GATA3: variants seen among roughly 807,000 people sequenced by gnomAD.
GATA3 encodes GATA binding protein 3, also known as trans-acting T-cell-specific transcription factor GATA-3.
GATA3 carries 6 observed loss-of-function variants against 36.0 expected under a neutral mutation model. The observed-to-expected ratio is 0.17, with a 90% CI of 0.09 to 0.33. GATA3 has a LOEUF of 0.33. GATA3 is among the 10% of genes least tolerant of loss of function. The pLI is 1.00. For missense variants in GATA3, 514 were observed against 610.1 expected (o/e 0.84, Z 1.66); for synonymous variants, 326 against 273.0 (o/e 1.19, Z -1.92).
chr10:8,054,899 C>A lies in GATA3; in HGVS notation c.-370+8C>A, dbSNP rs1252174165. 1 of 148,062 alleles carries A rather than the reference C, an allele frequency of 6.8e-6. No individual in the cohort carries two copies. The highest frequency in any genetic ancestry group is 1.8e-4 in the East Asian group (1 of 5,436). 9.2% of individuals were successfully genotyped at this position (148,062 alleles called of 1,614,324 possible). A position where few individuals can be genotyped will look rare whatever the true frequency, so the allele number is the denominator to read the frequency against. ...CTGCTCTTCGCTACCCAGGTTGGTA[C>A]TGGTGACTTTTTTTTTTTTTAAGTT... is the stretch of plus-strand genomic sequence containing the variant. On this transcript the variant is annotated splice_region_variant and intron_variant, in intron 1 of 5. Transcript: ENST00000379328. This position sits in a 1 kb window ranked among gnomAD's most constrained non-coding sequence, Gnocchi z 4.2.
intron 5 of GATA3, among the ~76,000 whole-genome samples, chr10:8,073,327 C>T (rs1457456986): frequency 1.3e-5 from 2 of 152,168 alleles, no homozygotes; most frequent in South Asian, 2.1e-4. Context: ...TCAAGGCAGA[C>T]AGCCTTAACC....
At chr10:8,061,939 TG>T (rs1232304550) in intron 3 of GATA3, among the ~76,000 whole-genome samples, 1 of 152,194 alleles carries the variant, frequency 6.6e-6, no homozygotes, top group Admixed American at 6.5e-5. Context: ...GTCCCCTGTC[TG>T]GGCAGGGTGG....
At position 8,055,630 on chromosome 10, in the gene GATA3, G is replaced by C. The variant is rs965874212; in HGVS notation, c.-26G>C. 3.6e-5 allele frequency: 55 copies of C among 1,545,466 alleles called. No homozygotes were observed. The African/African-American group carries it at 6.2e-4, about 17-fold the overall frequency. ...CCCGCGCGCGGGTTCCGGGCCCGGC[G>C]AGAGGGCGCGAGCACAGCCGAGGCC... On this transcript the variant is annotated 5_prime_UTR_variant, in exon 2 of 6. Coordinates refer to ENST00000379328, the MANE Select transcript of GATA3 (RefSeq NM_001002295.2). The surrounding 1 kb of genome is among the most constrained non-coding windows in gnomAD (Gnocchi z 5.4).
At chr10:8,065,928 G>T (rs1055022298) in intron 4 of GATA3, among the ~76,000 whole-genome samples, 2 of 43,640 alleles carry the variant, frequency 4.6e-5, no homozygotes, top group East Asian at 7.3e-4. Context: ...CACCACAAAA[G>T]AATGTTTTGA....
upstream of GATA3, chr10:8,053,612 T>G (rs1350523707): frequency 6.6e-6 from 1 of 150,680 alleles, no homozygotes; most frequent in East Asian, 2.0e-4. The surrounding 1 kb of genome is among the most constrained non-coding windows in gnomAD (Gnocchi z 5.1). Context: ...CTGGGGCGCC[T>G]CGGAGCCGCG....
Position 8,058,528 on chromosome 10 carries a change from C to T in GATA3, c.465C>T (p.Pro155=), listed in dbSNP as rs769567541. The T allele has an allele frequency of 1.2e-6, 2 of 1,612,040 alleles. No homozygotes were observed. The highest frequency in any genetic ancestry group is 1.7e-6 in the Non-Finnish European group (2 of 1,179,780). ...HASPHLFTFP[P]TPPKDVSPDP... is the part of the protein sequence containing the mutation. ...GCCCGCACCTCTTCACCTTCCCGCC[C>T]ACCCCGCCGAAGGACGTCTCCCCGG... Residue 155 remains proline (P), a synonymous_variant, in exon 3 of 6, where the codon CCC becomes CCT. Coordinates refer to ENST00000379328, the MANE Select transcript of GATA3 (RefSeq NM_001002295.2).
chr10:8,070,023 G>C (rs1588389081), intron 5 of GATA3, among the ~76,000 whole-genome samples: 1 of 152,214 alleles, frequency 6.6e-6, no homozygotes, highest in African/African-American at 2.4e-5. Flanking sequence ...GTGGCAGGGG[G>C]TCTGGAAACT....
chr10:8,050,635 C>A (rs1048062336), upstream of GATA3: 1 of 209,212 alleles, frequency 4.8e-6, no homozygotes, highest in Non-Finnish European at 9.7e-6. Flanking sequence ...TCTGTCTGCG[C>A]GGCCGGGACC....
At chr10:8,046,793 C>A (rs945054630) in intron 1 of GATA3, among the ~76,000 whole-genome samples, 2 of 151,824 alleles carry the variant, frequency 1.3e-5, no homozygotes, top group African/African-American at 4.8e-5. Flanking sequence ...GACCAAGACC[C>A]CATTGGGTGT....
At chr10:8,056,766 C>A (rs1343568468) in intron 2 of GATA3, among the ~76,000 whole-genome samples, 1 of 152,086 alleles carries the variant, frequency 6.6e-6, no homozygotes, top group East Asian at 1.9e-4. Context: ...TCCCTTTCAC[C>A]TGGAGAAGTT....
At chr10:8,065,551 C>A (rs563222600) in intron 4 of GATA3, among the ~76,000 whole-genome samples, 1 of 151,994 alleles carries the variant, frequency 6.6e-6, no homozygotes, top group Admixed American at 6.5e-5. Flanking sequence ...GCCACCGCTC[C>A]CAGCCAAAGA....
intron 3 of GATA3, among the ~76,000 whole-genome samples, chr10:8,061,630 A>G (rs1290587190): frequency 1.3e-5 from 2 of 152,274 alleles, no homozygotes; most frequent in African/African-American, 2.4e-5. Flanking sequence ...AGAAAAGCCC[A>G]TAGGAGGCAA....
At chr10:8,045,795 G>A (rs376625512) in intron 1 of GATA3, among the ~76,000 whole-genome samples, 2 of 152,130 alleles carry the variant, frequency 1.3e-5, no homozygotes, top group South Asian at 4.1e-4. Context: ...AAGAATGAGA[G>A]CCCGTGGGAA....
At chr10:8,058,266 C>T (rs749502453) in intron 2 of GATA3, 39 bp from the exon 3 acceptor site, 11 of 1,609,860 alleles carry the variant, frequency 6.8e-6, no homozygotes, top group South Asian at 1.1e-5. Flanking sequence ...CCACACTCAC[C>T]CTCCTTCTCT....
intron 3 of GATA3, among the ~76,000 whole-genome samples, chr10:8,061,164 G>A (rs1388289060): frequency 6.6e-6 from 1 of 152,006 alleles, no homozygotes; most frequent in Non-Finnish European, 1.5e-5. Flanking sequence ...AGTTTTTGGG[G>A]TTGTCGCTGG....
Position 8,055,681 on chromosome 10 carries a change from G to T in GATA3, c.26G>T (p.Arg9Leu), listed in dbSNP as rs762722802. The change falls in exon 2 of 6, where the codon CGC becomes CTC. Residue 9 changes from arginine (R) to leucine (L), a missense_variant. Around this residue, in one of 3 missense-constraint regions of GATA3, gnomAD observed 381 missense variants for 354.3 expected, o/e 1.08. Coordinates refer to ENST00000379328, the MANE Select transcript of GATA3 (RefSeq NM_001002295.2). This position sits in a 1 kb window ranked among gnomAD's most constrained non-coding sequence, Gnocchi z 5.4. ...ATGGAGGTGACGGCGGACCAGCCGC[G>T]CTGGGTGAGCCACCACCACCCCGCC... is the stretch of plus-strand genomic sequence containing the variant. MEVTADQP[R>L]WVSHHHPAVL... The T allele has an allele frequency of 9.6e-6, 15 of 1,558,310 alleles. No individual in the cohort carries two copies. Among genetic ancestry groups the T allele is most frequent in the Non-Finnish European group, 1.3e-5 (15 of 1,151,500 alleles).
chr10:8,059,859 G>A (rs1832718833), intron 3 of GATA3, among the ~76,000 whole-genome samples: 1 of 152,234 alleles, frequency 6.6e-6, no homozygotes, highest in Non-Finnish European at 1.5e-5. Context: ...ACAGGGTTTG[G>A]TGAAGATTTT....
rs915238631 is a variant in GATA3 at position 8,055,998 on chromosome 10, C to A, written c.241+102C>A. 41 of 1,434,082 alleles carry A rather than the reference C, an allele frequency of 2.9e-5. No homozygotes were observed. Among genetic ancestry groups the A allele is most frequent in the Non-Finnish European group, 3.7e-5 (39 of 1,045,970 alleles). 88.8% of individuals were successfully genotyped at this position (1,434,082 alleles called of 1,614,324 possible). On this transcript the variant is annotated intron_variant, in intron 2 of 5. Coordinates refer to ENST00000379328, the MANE Select transcript of GATA3 (RefSeq NM_001002295.2). This position sits in a 1 kb window ranked among gnomAD's most constrained non-coding sequence, Gnocchi z 5.4. The stretch of plus-strand genomic sequence containing the variant: ...AGGGCGGGGAGAGGTCAAGCGAAAG[C>A]CCCCATCTGCCGTTCCTGGTTCATT...
upstream of GATA3, among the ~76,000 whole-genome samples, chr10:8,049,967 CGCGCCGCGAAAGGCGCG>C (rs2131466854): frequency 6.6e-6 from 1 of 152,258 alleles, no homozygotes; most frequent in Non-Finnish European, 1.5e-5. Context: ...CAGCTGGACG[CGCGCCGCGAAAGGCGCG>C]GCGGTCCCGC....
Sources: gnomAD v4.1 joint callset for allele counts (sites outside exome capture counted in the v4.1 genomes callset) on GRCh38, gnomAD v4.1.1 for gene constraint, gnomAD v4.1.1 regional missense constraint, Gnocchi (gnomAD v3.1) non-coding constraint, MANE v1.5 for transcripts, NCBI Gene and HGNC (gene_info 2026-07-23, HGNC 2026-07-21) for gene names.